The following ALK variants were observed in gnomAD, a reference collection of about 807,000 sequenced individuals.
ALK encodes ALK tyrosine kinase receptor.
ALK carries 74 observed loss-of-function variants against 163.1 expected under a neutral mutation model. The ratio of observed to expected loss-of-function variants is 0.45; its 90% CI spans 0.38 to 0.55. The LOEUF (loss-of-function observed/expected upper bound fraction) is 0.55. Ranked by LOEUF, ALK falls within the 20% of genes least tolerant of loss-of-function variation. The pLI, the probability that ALK is intolerant of heterozygous loss-of-function variation, is 0.00. For missense variants in ALK, 2,063 were observed against 2,105.3 expected (o/e 0.98, Z 0.39); for synonymous variants, 960 against 843.2 (o/e 1.14, Z -2.40).
chr2:29,732,282 T>C (rs1423552845), intron 1 of ALK, among the ~76,000 whole-genome samples: 1 of 152,182 alleles, frequency 6.6e-6, no homozygotes. Context: ...AATCTGCCAC[T>C]ACCAAGCAAC....
chr2:29,648,371 C>T (rs957567035), intron 3 of ALK, among the ~76,000 whole-genome samples: 2 of 152,032 alleles, frequency 1.3e-5, no homozygotes, highest in African/African-American at 4.8e-5. Flanking sequence ...TACCATTTTA[C>T]TCATTTTTAA....
intron 1 of ALK, among the ~76,000 whole-genome samples, chr2:29,718,744 T>C (rs561582795): frequency 2.4e-4 from 36 of 152,334 alleles, no homozygotes; most frequent in African/African-American, 8.4e-4. Context: ...AAGCAGAAAC[T>C]GAGCCCAGGT....
intron 3 of ALK, among the ~76,000 whole-genome samples, chr2:29,668,586 T>C (rs1051548684): frequency 5.3e-5 from 8 of 152,150 alleles, no homozygotes; most frequent in African/African-American, 1.9e-4. Flanking sequence ...ATTAGAGTTT[T>C]ATCCCATTGT....
chr2:29,801,487 A>G (rs1664466189), intron 1 of ALK, among the ~76,000 whole-genome samples: 1 of 152,194 alleles, frequency 6.6e-6, no homozygotes, highest in Non-Finnish European at 1.5e-5. Flanking sequence ...TCCTAGACAT[A>G]TAGGTTTTGC....
chr2:29,502,013 C>T (rs1303476640), intron 4 of ALK, among the ~76,000 whole-genome samples: 1 of 152,188 alleles, frequency 6.6e-6, no homozygotes, highest in African/African-American at 2.4e-5. Context: ...TCCTTCCTTT[C>T]CAAGGTTGAA....
intron 4 of ALK, among the ~76,000 whole-genome samples, chr2:29,523,858 G>GTCTTT (rs1672879628): frequency 1.8e-5 from 2 of 110,950 alleles, no homozygotes; most frequent in Non-Finnish European, 3.5e-5. Context: ...GAAGCTGAAG[G>GTCTTT]TTTTTTTTTT....
intron 4 of ALK, among the ~76,000 whole-genome samples, chr2:29,420,520 T>C (rs553134276): frequency 6.6e-6 from 1 of 151,566 alleles, no homozygotes; most frequent in African/African-American, 2.4e-5. Context: ...TCCCCCACCC[T>C]GAGTTTGTGA....
rs1666451103 is a variant in ALK at position 29,304,492 on chromosome 2, C to CCA, written c.1648-7436_1648-7435insTG. ...CCTGGGCAATAGAGCAAGACTGTGT[C>CCA]TAAAAAAAAAAAAAAAAAAGAAAAG... On this transcript the variant is annotated intron_variant, in intron 8 of 28. Coordinates refer to ENST00000389048, the MANE Select transcript of ALK (RefSeq NM_004304.5). Among the ~76,000 whole-genome samples the CCA allele has an allele frequency of 1.9e-4, 6 of 31,066 alleles. No individual in the cohort carries two copies. In the Admixed American group the frequency reaches 3.0e-3, roughly 15 times the overall value. 20.4% of individuals were successfully genotyped at this position (31,066 alleles called of 152,430 possible).
At chr2:29,745,041 T>C (rs144634989) in intron 1 of ALK, among the ~76,000 whole-genome samples, 140 of 152,310 alleles carry the variant, frequency 9.2e-4, no homozygotes, top group African/African-American at 2.8e-3. Context: ...TTCTACCACA[T>C]GGGTTAGAAA....
At chr2:29,490,812 C>A (rs1671882960) in intron 4 of ALK, among the ~76,000 whole-genome samples, 1 of 152,068 alleles carries the variant, frequency 6.6e-6, no homozygotes, top group Non-Finnish European at 1.5e-5. Flanking sequence ...ATGAAATAAC[C>A]ATCTCATGGC....
intron 4 of ALK, among the ~76,000 whole-genome samples, chr2:29,460,405 T>C (rs1242291750): frequency 6.6e-6 from 1 of 152,160 alleles, no homozygotes; most frequent in Non-Finnish European, 1.5e-5. Flanking sequence ...CCTTGTTTTA[T>C]TGCACTTCAC....
intron 3 of ALK, among the ~76,000 whole-genome samples, chr2:29,664,526 A>G (rs1351759769): frequency 6.6e-6 from 1 of 151,938 alleles, no homozygotes; most frequent in Admixed American, 6.6e-5. Context: ...CTCTTCTTCC[A>G]TCACTATCAG....
intron 11 of ALK, among the ~76,000 whole-genome samples, chr2:29,261,804 C>T (rs571723074): frequency 6.6e-6 from 1 of 152,136 alleles, no homozygotes; most frequent in Non-Finnish European, 1.5e-5. Flanking sequence ...CATGTCCACC[C>T]GTGTTTAATC....
chr2:29,547,694 C>A (rs1345221540), intron 3 of ALK, among the ~76,000 whole-genome samples: 1 of 152,152 alleles, frequency 6.6e-6, no homozygotes, highest in Non-Finnish European at 1.5e-5. Flanking sequence ...ACTCAGGTCC[C>A]CAACCAACTT....
At chr2:29,693,792 G>C (rs1678472471) in intron 3 of ALK, among the ~76,000 whole-genome samples, 1 of 152,134 alleles carries the variant, frequency 6.6e-6, no homozygotes, top group Non-Finnish European at 1.5e-5. Context: ...TGATGTGGTG[G>C]AAAGTGCCCT....
intron 1 of ALK, among the ~76,000 whole-genome samples, chr2:29,778,014 G>A (rs574641596): frequency 6.6e-6 from 1 of 152,186 alleles, no homozygotes. Flanking sequence ...GTAGCAGGGG[G>A]ACACCTCAGC....
chr2:29,469,398 T>C (rs1573380389), intron 4 of ALK, among the ~76,000 whole-genome samples: 1 of 152,158 alleles, frequency 6.6e-6, no homozygotes, highest in Non-Finnish European at 1.5e-5. Flanking sequence ...TGGCAGGTGG[T>C]CTTCAGATAC....
chr2:29,730,940 A>G (rs1679725776), intron 1 of ALK, among the ~76,000 whole-genome samples: 1 of 152,192 alleles, frequency 6.6e-6, no homozygotes, highest in Admixed American at 6.5e-5. Context: ...GTCACCCTGC[A>G]TCTTGCCCCA....
intron 6 of ALK, among the ~76,000 whole-genome samples, chr2:29,321,213 CA>C (rs1209165172): frequency 2.0e-5 from 3 of 152,244 alleles, no homozygotes; most frequent in African/African-American, 7.2e-5. Context: ...ACACAGCTAA[CA>C]GATAACCCAG....
Sources: allele counts gnomAD v4.1 joint callset (sites outside exome capture counted in the v4.1 genomes callset), GRCh38; gene constraint gnomAD v4.1.1; transcripts MANE v1.5; gene names NCBI Gene and HGNC (gene_info 2026-07-23, HGNC 2026-07-21).